Variants in ANK3 observed in about 807,000 individuals in gnomAD.
ANK3 encodes the protein ankyrin-3.
In ANK3, 57 loss-of-function variants were observed where a neutral mutation model predicts 370.9. The ratio of observed to expected loss-of-function variants is 0.15; its 90% CI spans 0.12 to 0.19. ANK3 has a LOEUF of 0.19. Among genes scored for constraint, ANK3 ranks in the 10% least tolerant of loss-of-function variants. The probability of loss-of-function intolerance (pLI) is 1.00; values close to 1 mark genes in which losing one functional copy is unlikely to be tolerated. For missense variants in ANK3, 4,439 were observed against 5,302.1 expected (o/e 0.84, Z 5.06); for synonymous variants, 1,929 against 1,946.3 (o/e 0.99, Z 0.23).
chr10:60,400,894 G>C (rs928229544), intron 2 of ANK3, among the ~76,000 whole-genome samples: 1 of 152,100 alleles, frequency 6.6e-6, no homozygotes, highest in African/African-American at 2.4e-5. Context: ...GCCCCAGTGT[G>C]TGAAGTGACT....
At chr10:60,421,082 C>T (rs1405047505) in intron 2 of ANK3, among the ~76,000 whole-genome samples, 1 of 151,882 alleles carries the variant, frequency 6.6e-6, no homozygotes, top group Non-Finnish European at 1.5e-5. Flanking sequence ...TAAGTGAAAA[C>T]ACACACCAAA....
intron 2 of ANK3, among the ~76,000 whole-genome samples, chr10:60,482,244 T>C (rs962051291): frequency 7.9e-5 from 12 of 152,180 alleles, no homozygotes; most frequent in African/African-American, 2.9e-4. Context: ...ACCTGAAGCA[T>C]CTGCACTATC....
In ANK3 at chr10:60,073,442, G is replaced by C; in HGVS notation, c.7439C>G (p.Thr2480Ser). 1.2e-6 allele frequency: 2 copies of C among 1,613,916 alleles called. No homozygotes were observed. Among genetic ancestry groups the C allele is most frequent in the Non-Finnish European group, 1.7e-6 (2 of 1,179,990 alleles). The stretch of plus-strand genomic sequence containing the variant: ...TGCATGGTCTGTAACCGATTCCTCA[G>C]TATCAGAATGAGACACATCTAGCTT... ...SEKLDVSHSD[T>S]EESVTDHAGP... The change falls in exon 37 of 44, where the codon ACT (threonine) becomes AGT (serine). Residue 2480 changes from threonine to serine, a missense_variant. Thr to Ser is a moderately conservative substitution (Grantham distance 58, BLOSUM62 1). Around this residue, in one of 13 missense-constraint regions of ANK3, gnomAD observed 1,601 missense variants for 1,731.7 expected, o/e 0.92. Coordinates refer to ENST00000280772, the MANE Select transcript of ANK3 (RefSeq NM_020987.5).
chr10:60,362,956 T>C (rs1246254992), intron 1 of ANK3, among the ~76,000 whole-genome samples: 1 of 152,056 alleles, frequency 6.6e-6, no homozygotes, highest in Non-Finnish European at 1.5e-5. Context: ...ATCCTGGACA[T>C]AGATGACTTG....
chr10:60,319,699 T>G (rs1359793689), intron 1 of ANK3, among the ~76,000 whole-genome samples: 2 of 152,170 alleles, frequency 1.3e-5, no homozygotes, highest in Non-Finnish European at 2.9e-5. Context: ...ACTGGCAAAG[T>G]GTTTAGAAAC....
chr10:60,488,157 G>C (rs1050644728), intron 2 of ANK3, among the ~76,000 whole-genome samples: 2 of 152,156 alleles, frequency 1.3e-5, no homozygotes, highest in Non-Finnish European at 2.9e-5. Flanking sequence ...ATACTAAAAA[G>C]TGTTTAATTA....
chr10:60,367,776 T>G (rs2059585893), intron 1 of ANK3, among the ~76,000 whole-genome samples: 1 of 152,214 alleles, frequency 6.6e-6, no homozygotes, highest in Admixed American at 6.5e-5. Flanking sequence ...GACATTTAAG[T>G]ATAAAAGGCG....
intron 17 of ANK3, among the ~76,000 whole-genome samples, chr10:60,182,307 T>G (rs1028655396): frequency 6.6e-6 from 1 of 152,206 alleles, no homozygotes; most frequent in Non-Finnish European, 1.5e-5. Context: ...CATGACAATT[T>G]CCAGGTCATT....
At chr10:60,216,012 C>T (rs1263368473) in intron 8 of ANK3, among the ~76,000 whole-genome samples, 1 of 152,130 alleles carries the variant, frequency 6.6e-6, no homozygotes, top group African/African-American at 2.4e-5. Context: ...TTTGCATCCT[C>T]TCTTACATCC....
At chr10:60,278,027 G>A (rs1470112165) in intron 4 of ANK3, among the ~76,000 whole-genome samples, 2 of 152,182 alleles carry the variant, frequency 1.3e-5, no homozygotes, top group East Asian at 1.9e-4. Flanking sequence ...ATAAAGCAAA[G>A]TTAATTCTTT....
At chr10:60,296,201 T>C (rs1054400279) in intron 1 of ANK3, among the ~76,000 whole-genome samples, 2 of 152,242 alleles carry the variant, frequency 1.3e-5, no homozygotes, top group African/African-American at 4.8e-5. Context: ...CAAGTGGCTA[T>C]GTCCACACAG....
intron 8 of ANK3, among the ~76,000 whole-genome samples, chr10:60,214,846 G>A (rs1422170474): frequency 6.6e-6 from 1 of 152,090 alleles, no homozygotes; most frequent in Non-Finnish European, 1.5e-5. Context: ...CTTTATAGTA[G>A]AATGATTTAT....
upstream of ANK3, among the ~76,000 whole-genome samples, chr10:60,391,498 G>A (rs570027295): frequency 2.5e-4 from 37 of 150,606 alleles, no homozygotes; most frequent in African/African-American, 8.7e-4. Context: ...TTAAAACTTC[G>A]TATGCATTTT....
intron 1 of ANK3, among the ~76,000 whole-genome samples, chr10:60,727,030 T>C (rs1055336508): frequency 3.3e-5 from 5 of 152,082 alleles, no homozygotes; most frequent in African/African-American, 1.2e-4. Context: ...AATCTTTCAT[T>C]CCCTAGAGAT....
At chr10:60,591,578 T>C (rs749525380) in intron 2 of ANK3, among the ~76,000 whole-genome samples, 4 of 152,082 alleles carry the variant, frequency 2.6e-5, no homozygotes, top group Non-Finnish European at 4.4e-5. Context: ...GTTGGGTATA[T>C]ACCCAAAAGA....
At chr10:60,148,685 A>G (rs1270064950) in intron 23 of ANK3, among the ~76,000 whole-genome samples, 2 of 152,194 alleles carry the variant, frequency 1.3e-5, no homozygotes. Flanking sequence ...GAATGCAGGT[A>G]GAAAGAAGTA....
intron 2 of ANK3, among the ~76,000 whole-genome samples, chr10:60,400,150 C>A (rs1276889744): frequency 6.6e-6 from 1 of 151,944 alleles, no homozygotes; most frequent in African/African-American, 2.4e-5. Flanking sequence ...CATTTTACTA[C>A]AGATGTGTAA....
intron 2 of ANK3, among the ~76,000 whole-genome samples, chr10:60,450,327 C>T (rs1366681434): frequency 6.6e-6 from 1 of 152,066 alleles, no homozygotes; most frequent in Admixed American, 6.6e-5. Flanking sequence ...AATGAACAAG[C>T]TCTGATTTGC....
intron 1 of ANK3, among the ~76,000 whole-genome samples, chr10:60,307,386 G>A (rs554093396): frequency 8.8e-4 from 134 of 152,130 alleles, no homozygotes; most frequent in Admixed American, 4.8e-3. Context: ...AGGCCAGAGC[G>A]CAATGGCATG....
Sources: allele counts gnomAD v4.1 joint callset (sites outside exome capture counted in the v4.1 genomes callset), GRCh38; gene constraint gnomAD v4.1.1; regional missense constraint gnomAD v4.1.1; transcripts MANE v1.5; gene names NCBI Gene and HGNC (gene_info 2026-07-23, HGNC 2026-07-21).